Variants in ADGRV1 observed in about 807,000 individuals in gnomAD.
ADGRV1 encodes adhesion G protein-coupled receptor V1, also known as G-protein coupled receptor 98.
ADGRV1 carries 359 observed loss-of-function variants against 596.2 expected under a neutral mutation model. The observed-to-expected ratio is 0.60, with a 90% CI of 0.55 to 0.66. The LOEUF (loss-of-function observed/expected upper bound fraction) is 0.66, where lower values mean the gene tolerates loss of function less well. Ranked by LOEUF, ADGRV1 falls within the 30% of genes least tolerant of loss-of-function variation. The pLI is 0.00. For synonymous variants in ADGRV1, 2,681 were observed against 2,679.2 expected (o/e 1.00, Z -0.02); for missense variants, 7,274 against 7,575.6 (o/e 0.96, Z 1.48).
intron 21 of ADGRV1, among the ~76,000 whole-genome samples, chr5:90,668,331 C>T (rs779673783): frequency 1.3e-5 from 2 of 152,048 alleles, no homozygotes; most frequent in African/African-American, 2.4e-5. Context: ...TTTTTAAGCC[C>T]GTCGGAAAAG....
chr5:90,879,603 C>CT (rs1018111062), intron 83 of ADGRV1, among the ~76,000 whole-genome samples: 9 of 150,786 alleles, frequency 6.0e-5, no homozygotes, highest in South Asian at 2.1e-4. Context: ...CTATTTTATG[C>CT]TTTTTTTTTC....
At chr5:90,748,813 G>GTTTT (rs10700327) in intron 52 of ADGRV1, among the ~76,000 whole-genome samples, 2,053 of 142,172 alleles carry the variant, frequency 0.014, 91 homozygotes, top group African/African-American at 0.051. Context: ...CTATCATCAA[G>GTTTT]TTTTTTTTTG....
chr5:91,057,427 T>G (rs546296855), intron 85 of ADGRV1, among the ~76,000 whole-genome samples: 1 of 152,342 alleles, frequency 6.6e-6, no homozygotes, highest in Non-Finnish European at 1.5e-5. Context: ...TTACTGTCTA[T>G]TAGATCATCA....
chr5:90,981,306 C>G (rs1050475387), intron 84 of ADGRV1, among the ~76,000 whole-genome samples: 1 of 152,100 alleles, frequency 6.6e-6, no homozygotes, highest in South Asian at 2.1e-4. Context: ...CTTCTCCAAA[C>G]GAAGCAATCA....
At chr5:90,807,579 T>C (rs754180881) in intron 72 of ADGRV1, 23 bp from the exon 73 acceptor site, 3 of 1,601,308 alleles carry the variant, frequency 1.9e-6, no homozygotes, top group Non-Finnish European at 2.6e-6. Context: ...TACCCTACTT[T>C]GCTTTTTCAT....
intron 21 of ADGRV1, among the ~76,000 whole-genome samples, chr5:90,672,132 C>CT (rs35435977): frequency 0.062 from 9,396 of 152,232 alleles, 411 homozygotes; most frequent in Non-Finnish European, 0.089. Flanking sequence ...ACCCCCACCC[C>CT]ATTTGGTCTG....
intron 59 of ADGRV1, among the ~76,000 whole-genome samples, chr5:90,764,280 C>A (rs549861708): frequency 7.2e-5 from 11 of 152,340 alleles, no homozygotes; most frequent in African/African-American, 2.4e-4. Flanking sequence ...TCTTCCCCAA[C>A]TCCAGGGCAA....
At chr5:90,652,149 T>C (rs1358776199) in intron 18 of ADGRV1, among the ~76,000 whole-genome samples, 197 bp from the exon 19 acceptor site, 1 of 152,210 alleles carries the variant, frequency 6.6e-6, no homozygotes, top group African/African-American at 2.4e-5. Flanking sequence ...ACAAGACTTT[T>C]ATGACTGTTT....
intron 85 of ADGRV1, among the ~76,000 whole-genome samples, chr5:91,035,878 T>TATATATATATATATATATATAC (rs1309079793): frequency 7.3e-6 from 1 of 136,304 alleles, no homozygotes; most frequent in Non-Finnish European, 1.6e-5. Context: ...TATATATATA[T>TATATATATATATATATATATAC]ATATCTTACA....
chr5:90,650,139 G>C (rs1349456562), intron 17 of ADGRV1, among the ~76,000 whole-genome samples: 1 of 152,156 alleles, frequency 6.6e-6, no homozygotes, highest in African/African-American at 2.4e-5. Flanking sequence ...CACTGTAGAG[G>C]CAGCATCTCT....
chr5:91,036,556 C>T (rs1369491837), intron 85 of ADGRV1, among the ~76,000 whole-genome samples: 1 of 146,888 alleles, frequency 6.8e-6, no homozygotes, highest in African/African-American at 2.5e-5. Context: ...AGCGAGACTC[C>T]GTCTTAAAAA....
At chr5:90,655,125 T>C (rs1384385652) in intron 20 of ADGRV1, 2 of 152,288 alleles carry the variant, frequency 1.3e-5, no homozygotes, top group African/African-American at 4.8e-5. Flanking sequence ...CTTAAATTCA[T>C]CAGTTTCAGC....
intron 43 of ADGRV1, chr5:90,717,901 T>G (rs1232617594): frequency 6.6e-6 from 1 of 152,244 alleles, no homozygotes; most frequent in East Asian, 1.9e-4. Context: ...TCTGCCCGCC[T>G]CAACCTCCCA....
chr5:90,891,163 A>G (rs1020515085), intron 83 of ADGRV1, among the ~76,000 whole-genome samples: 1 of 148,120 alleles, frequency 6.8e-6, no homozygotes, highest in Non-Finnish European at 1.5e-5. Flanking sequence ...GTAGCTGTTT[A>G]TATTTTATAT....
At chr5:91,126,652 G>A (rs944242714) in intron 87 of ADGRV1, among the ~76,000 whole-genome samples, 2 of 152,156 alleles carry the variant, frequency 1.3e-5, no homozygotes, top group African/African-American at 2.4e-5. Context: ...AAGTCATGGA[G>A]CAAATGTTTA....
chr5:90,714,778 A>G (rs1266477048), intron 42 of ADGRV1, among the ~76,000 whole-genome samples: 1 of 152,060 alleles, frequency 6.6e-6, no homozygotes, highest in Non-Finnish European at 1.5e-5. Context: ...CCATCTACCT[A>G]TCATTTTCCT....
rs146120983 is a variant in ADGRV1 at position 90,855,881 on chromosome 5, C to G, written c.17735C>G (p.Ser5912Cys). 591 of 1,612,812 alleles carry G rather than the reference C, an allele frequency of 3.7e-4. 3 individuals are homozygous for G. In the African/African-American group the frequency reaches 6.7e-3, roughly 18 times the overall value. The change falls in exon 82 of 90, where the codon TCT becomes TGT. Residue 5912 changes from serine to cysteine, a missense_variant. Physicochemically the swap from Ser to Cys is moderately radical, Grantham distance 112. Coordinates refer to ENST00000405460, the MANE Select transcript of ADGRV1 (RefSeq NM_032119.4). ...TCATACAATGAAGCCTTCTTCACTTCTGGATTTATATGTATCTCAGGTCAG... is the reference window on the plus strand; with the variant it reads ...TCATACAATGAAGCCTTCTTCACTTGTGGATTTATATGTATCTCAGGTCAG... ...LSSYNEAFFT[S>C]GFICISGLCL...
intron 58 of ADGRV1, 24 bp from the exon 59 acceptor site, chr5:90,763,278 TGGC>T: frequency 6.8e-7 from 1 of 1,462,850 alleles, no homozygotes; most frequent in South Asian, 1.6e-5. Context: ...TTTTTTTGTT[TGGC>T]CTTACTGAAT....
At chr5:91,163,649 C>A in intron 89 of ADGRV1, 133 bp from the exon 90 acceptor site, 1 of 503,400 alleles carries the variant, frequency 2.0e-6, no homozygotes, top group Non-Finnish European at 3.6e-6. Flanking sequence ...TTAATAATAT[C>A]TATTCTAAAT....
Sources: allele counts gnomAD v4.1 joint callset (sites outside exome capture counted in the v4.1 genomes callset), GRCh38; gene constraint gnomAD v4.1.1; transcripts MANE v1.5; gene names NCBI Gene and HGNC (gene_info 2026-07-23, HGNC 2026-07-21).